GSK3B: variants seen among roughly 807,000 people sequenced by gnomAD.
GSK3B encodes glycogen synthase kinase-3 beta.
A neutral mutation model predicts 56.4 loss-of-function variants in GSK3B; 15 were observed. That is an observed-to-expected ratio of 0.27 (90% CI 0.18 to 0.41). The LOEUF (loss-of-function observed/expected upper bound fraction) is 0.41, where lower values mean the gene tolerates loss of function less well. Among genes scored for constraint, GSK3B ranks in the 10% least tolerant of loss-of-function variants. The pLI is 1.00. For missense variants in GSK3B, 300 were observed against 513.4 expected (o/e 0.58, Z 4.02); for synonymous variants, 181 against 188.9 (o/e 0.96, Z 0.34).
Position 119,863,585 on chromosome 3 carries a change from T to C in GSK3B, c.930A>G (p.Pro310=). ...GGCTACACAGTGCAATTGCCTCCGG[T>C]GGAGTTCGGGGTCGGAAGACCTGCA... ...PWTKVFRPRT[P]PEAIALCSRL... is the part of the protein sequence containing the mutation. Residue 310 remains proline, a synonymous_variant, in exon 9 of 11, where the codon CCA becomes CCG. Coordinates refer to ENST00000264235, the MANE Select transcript of GSK3B (RefSeq NM_001146156.2). 1 of 1,612,054 alleles carries C rather than the reference T, an allele frequency of 6.2e-7. No individual in the cohort carries two copies.
intron 2 of GSK3B, among the ~76,000 whole-genome samples, chr3:119,981,358 G>A (rs961067683): frequency 3.9e-5 from 6 of 152,220 alleles, no homozygotes; most frequent in Admixed American, 3.3e-4. Flanking sequence ...GACAGTGGGT[G>A]CAGCCCATGG....
intron 10 of GSK3B, among the ~76,000 whole-genome samples, chr3:119,842,636 AT>A (rs2055790803): frequency 6.6e-6 from 1 of 151,970 alleles, no homozygotes; most frequent in Non-Finnish European, 1.5e-5. Context: ...GTTTATTTTT[AT>A]TTTTTACATG....
intron 1 of GSK3B, among the ~76,000 whole-genome samples, chr3:120,012,747 C>T (rs1021427028): frequency 6.6e-5 from 10 of 152,182 alleles, no homozygotes; most frequent in African/African-American, 2.4e-4. Context: ...ATAGCTCACT[C>T]ACTGTAACAC....
At chr3:119,988,615 T>C (rs1271972609) in intron 2 of GSK3B, among the ~76,000 whole-genome samples, 2 of 152,208 alleles carry the variant, frequency 1.3e-5, no homozygotes, top group East Asian at 3.8e-4. Flanking sequence ...GGGTTTCTGG[T>C]CTATGGTAAG....
chr3:119,890,474 G>A (rs2056489336), intron 7 of GSK3B, among the ~76,000 whole-genome samples: 1 of 152,010 alleles, frequency 6.6e-6, no homozygotes, highest in Admixed American at 6.6e-5. Context: ...ACAGAAGATG[G>A]GAAACTGACC....
intron 2 of GSK3B, among the ~76,000 whole-genome samples, chr3:119,970,810 A>AAAC (rs2057359547): frequency 6.6e-6 from 1 of 151,432 alleles, no homozygotes; most frequent in Non-Finnish European, 1.5e-5. Context: ...AACAAACAAA[A>AAAC]AAAACAAAAA....
intron 2 of GSK3B, among the ~76,000 whole-genome samples, chr3:119,994,271 C>T (rs1017865866): frequency 4.6e-5 from 7 of 151,600 alleles, no homozygotes; most frequent in Admixed American, 2.0e-4. Flanking sequence ...TCAATGAGTC[C>T]GTATGATATA....
intron 3 of GSK3B, among the ~76,000 whole-genome samples, chr3:119,928,714 T>C (rs192095635): frequency 1.0e-3 from 149 of 146,824 alleles, no homozygotes; most frequent in African/African-American, 3.5e-3. Flanking sequence ...CTATATAGCA[T>C]AGTAATTAAG....
rs1031205471 is a variant in GSK3B at position 120,093,471 on chromosome 3, CTCCTTTTCTTCCTTTT to C, written c.-53_-38del. On this transcript the variant is annotated 5_prime_UTR_variant, in exon 1 of 11. Coordinates refer to ENST00000264235, the MANE Select transcript of GSK3B (RefSeq NM_001146156.2). ...TCGCGAATCACCTTTTCCTTCCTTC[CTCCTTTTCTTCCTTTT>C]GTCTTTATGTTGGGGTGTTAGGTTA... 7.4e-7 allele frequency: 1 copy of C among 1,348,090 alleles called. No individual in the cohort carries two copies. The highest frequency in any genetic ancestry group is 1.1e-6 in the Non-Finnish European group (1 of 938,582). 83.5% of individuals were successfully genotyped at this position (1,348,090 alleles called of 1,614,324 possible). A position where few individuals can be genotyped will look rare whatever the true frequency, so the allele number is the denominator to read the frequency against.
At chr3:119,947,859 C>T (rs1576221211) in intron 2 of GSK3B, among the ~76,000 whole-genome samples, 2 of 137,862 alleles carry the variant, frequency 1.5e-5, no homozygotes, top group South Asian at 4.6e-4. Flanking sequence ...GAATGCAGAG[C>T]GAAACTCCAT....
intron 9 of GSK3B, among the ~76,000 whole-genome samples, chr3:119,857,006 T>C (rs2056031751): frequency 6.6e-6 from 1 of 152,166 alleles, no homozygotes; most frequent in Non-Finnish European, 1.5e-5. Context: ...CCCTACACTA[T>C]CGTCTATTAA....
At position 119,959,542 on chromosome 3, in the gene GSK3B, C is replaced by A. The variant is rs529614747; in HGVS notation, c.283-12191G>T. ...TTTTTTTTTTTTTTTAAAGACAGAG[C>A]CTCACTCTGTCGCCCAGGCTGGAGT... On this transcript the variant is annotated intron_variant, in intron 2 of 10. Coordinates refer to ENST00000264235, the MANE Select transcript of GSK3B (RefSeq NM_001146156.2). Among the ~76,000 whole-genome samples, 17 of 143,600 alleles carry A rather than the reference C, an allele frequency of 1.2e-4. 1 individual carries two copies. In the South Asian group the frequency reaches 3.8e-3, roughly 32 times the overall value. The allele number at this position is 143,600 out of a possible 152,430, so 94.2% of individuals were successfully genotyped here.
At chr3:119,930,237 C>G (rs547652706) in intron 3 of GSK3B, among the ~76,000 whole-genome samples, 6 of 152,134 alleles carry the variant, frequency 3.9e-5, no homozygotes. Flanking sequence ...ATAAACTGTC[C>G]TTCCCTTGTC....
At chr3:120,091,112 T>C (rs1353277411) in intron 1 of GSK3B, among the ~76,000 whole-genome samples, 1 of 152,212 alleles carries the variant, frequency 6.6e-6, no homozygotes, top group Non-Finnish European at 1.5e-5. Flanking sequence ...TCTGAACAAA[T>C]GATTCAATTT....
At chr3:119,925,381 C>T (rs2056880795) in intron 3 of GSK3B, among the ~76,000 whole-genome samples, 1 of 152,152 alleles carries the variant, frequency 6.6e-6, no homozygotes, top group Admixed American at 6.5e-5. Flanking sequence ...TTCACTTTTC[C>T]AGACCACTTA....
intron 3 of GSK3B, among the ~76,000 whole-genome samples, chr3:119,932,688 A>G (rs2056958383): frequency 6.6e-6 from 1 of 152,186 alleles, no homozygotes; most frequent in Admixed American, 6.5e-5. Context: ...AAAAAAAACC[A>G]TGACAATTTG....
At chr3:120,075,191 A>G (rs2058358319) in intron 1 of GSK3B, among the ~76,000 whole-genome samples, 1 of 152,224 alleles carries the variant, frequency 6.6e-6, no homozygotes, top group Admixed American at 6.5e-5. Context: ...CTTTCTTGAT[A>G]AAAACTCTTT....
At chr3:119,925,859 A>G (rs2056884502) in intron 3 of GSK3B, among the ~76,000 whole-genome samples, 2 of 152,174 alleles carry the variant, frequency 1.3e-5, no homozygotes, top group South Asian at 4.1e-4. Flanking sequence ...CCAGATGAAC[A>G]ATCTCCTTGT....
intron 2 of GSK3B, among the ~76,000 whole-genome samples, chr3:120,001,306 C>T (rs1057140999): frequency 2.6e-5 from 4 of 151,960 alleles, no homozygotes; most frequent in African/African-American, 4.8e-5. Flanking sequence ...CTGAGACAGG[C>T]GACTTGCCTG....
Sources: allele counts gnomAD v4.1 joint callset (sites outside exome capture counted in the v4.1 genomes callset), GRCh38; gene constraint gnomAD v4.1.1; transcripts MANE v1.5; gene names NCBI Gene and HGNC (gene_info 2026-07-23, HGNC 2026-07-21).